Variants in SLC6A11 observed in about 807,000 individuals in gnomAD.
SLC6A11 encodes sodium- and chloride-dependent GABA transporter 3.
SLC6A11 carries 25 observed loss-of-function variants against 74.8 expected under a neutral mutation model. That is an observed-to-expected ratio of 0.33 (90% CI 0.24 to 0.47). The LOEUF (loss-of-function observed/expected upper bound fraction) is 0.47, where lower values mean the gene tolerates loss of function less well. Among genes scored for constraint, SLC6A11 ranks in the 20% least tolerant of loss-of-function variants. The pLI, the probability that SLC6A11 is intolerant of heterozygous loss-of-function variation, is 1.00. For missense variants in SLC6A11, 574 were observed against 837.0 expected, an observed-to-expected ratio of 0.69 and a Z score of 3.88; for synonymous variants, 330 against 330.2, an observed-to-expected ratio of 1.00 and a Z score of 0.01.
intron 5 of SLC6A11, 147 bp downstream of exon 5, chr3:10,844,493 C>A: frequency 2.3e-6 from 2 of 887,534 alleles, no homozygotes; most frequent in Non-Finnish European, 3.5e-6. Context: ...TGAGCTCTAC[C>A]CACCCTCACC....
intron 10 of SLC6A11, among the ~76,000 whole-genome samples, chr3:10,930,388 C>G (rs1695670202): frequency 1.3e-5 from 2 of 152,196 alleles, no homozygotes; most frequent in Non-Finnish European, 2.9e-5. Context: ...GCTTCATGCC[C>G]TCAGAGCCAA....
intron 5 of SLC6A11, among the ~76,000 whole-genome samples, chr3:10,860,613 G>T (rs1694691753): frequency 1.3e-5 from 2 of 152,332 alleles, no homozygotes; most frequent in African/African-American, 4.8e-5. Context: ...GATGTGTGCT[G>T]GGCTGGGCAT....
intron 4 of SLC6A11, chr3:10,825,544 C>T (rs977300529): frequency 2.0e-5 from 3 of 152,072 alleles, no homozygotes; most frequent in African/African-American, 2.4e-5. Context: ...CAGAAGTTTC[C>T]ATTTTATTGA....
At chr3:10,897,657 C>G (rs1485897353) in intron 6 of SLC6A11, among the ~76,000 whole-genome samples, 1 of 152,244 alleles carries the variant, frequency 6.6e-6, no homozygotes, top group Admixed American at 6.5e-5. Flanking sequence ...AGGGTACAGC[C>G]TCCCTCCTGG....
At chr3:10,851,415 A>AG (rs1479991008) in intron 5 of SLC6A11, among the ~76,000 whole-genome samples, 1 of 148,888 alleles carries the variant, frequency 6.7e-6, no homozygotes, top group African/African-American at 2.5e-5. Context: ...AAAAAAAAAA[A>AG]CCACACACAC....
intron 5 of SLC6A11, among the ~76,000 whole-genome samples, chr3:10,873,610 CCATG>C (rs2106603629): frequency 7.6e-6 from 1 of 131,942 alleles, no homozygotes; most frequent in East Asian, 2.6e-4. Context: ...CTATCCTATG[CCATG>C]CTATCCTATC....
chr3:10,858,646 C>T (rs990785641), intron 5 of SLC6A11, among the ~76,000 whole-genome samples: 2 of 152,214 alleles, frequency 1.3e-5, no homozygotes, highest in African/African-American at 4.8e-5. Flanking sequence ...TAGGTGGGCA[C>T]ACTGAGGCTT....
At chr3:10,869,029 C>A (rs1404597662) in intron 5 of SLC6A11, among the ~76,000 whole-genome samples, 2 of 152,200 alleles carry the variant, frequency 1.3e-5, no homozygotes, top group Non-Finnish European at 2.9e-5. Context: ...TGCATTGTAA[C>A]CTCAGAGTTC....
intron 4 of SLC6A11, among the ~76,000 whole-genome samples, chr3:10,826,524 A>G (rs1239830914): frequency 1.3e-5 from 2 of 152,230 alleles, no homozygotes; most frequent in South Asian, 2.1e-4. Context: ...CCTTTGTAAC[A>G]TATATGGAAA....
At chr3:10,861,085 A>G (rs1455478960) in intron 5 of SLC6A11, among the ~76,000 whole-genome samples, 1 of 152,214 alleles carries the variant, frequency 6.6e-6, no homozygotes, top group African/African-American at 2.4e-5. Flanking sequence ...GCAGTTTGGA[A>G]ATCTGTAGAG....
chr3:10,826,948 C>T (rs922514582), intron 4 of SLC6A11, among the ~76,000 whole-genome samples: 1 of 152,180 alleles, frequency 6.6e-6, no homozygotes, highest in Non-Finnish European at 1.5e-5. Flanking sequence ...GCAAATGAAC[C>T]CATGGTTCTA....
intron 6 of SLC6A11, among the ~76,000 whole-genome samples, chr3:10,909,757 C>T (rs1695362239): frequency 6.6e-6 from 1 of 152,210 alleles, no homozygotes; most frequent in South Asian, 2.1e-4. Flanking sequence ...ATGTGGCTCA[C>T]TGGCCTTACT....
intron 13 of SLC6A11, among the ~76,000 whole-genome samples, chr3:10,937,970 A>G (rs1020147090): frequency 6.6e-6 from 1 of 152,184 alleles, no homozygotes; most frequent in African/African-American, 2.4e-5. Context: ...TTTCCTAGCC[A>G]GGTGCGAGGC....
chr3:10,841,280 A>G (rs578111716), intron 4 of SLC6A11, among the ~76,000 whole-genome samples: 1 of 152,144 alleles, frequency 6.6e-6, no homozygotes, highest in African/African-American at 2.4e-5. Flanking sequence ...CTGTCCCAGC[A>G]TTTCATGGGG....
chr3:10,899,795 C>G (rs1238155071), intron 6 of SLC6A11, among the ~76,000 whole-genome samples: 1 of 152,188 alleles, frequency 6.6e-6, no homozygotes, highest in Non-Finnish European at 1.5e-5. Flanking sequence ...GAAGTTTGTC[C>G]TTAGTATGGA....
chr3:10,927,832 G>A (rs746233725), intron 9 of SLC6A11, among the ~76,000 whole-genome samples: 2 of 152,230 alleles, frequency 1.3e-5, no homozygotes, highest in African/African-American at 2.4e-5. Context: ...AGGCAGAGGT[G>A]AATCAGAAAG....
chr3:10,914,407 A>G (rs371775436), intron 7 of SLC6A11, among the ~76,000 whole-genome samples: 1 of 152,310 alleles, frequency 6.6e-6, no homozygotes, highest in Non-Finnish European at 1.5e-5. Flanking sequence ...AATCGGTGCC[A>G]TGGGAGCTGC....
At chr3:10,932,470 C>T (rs1881370) in intron 10 of SLC6A11, among the ~76,000 whole-genome samples, 130,978 of 152,090 alleles carry the variant, frequency 0.86, 56,705 homozygotes, top group Admixed American at 0.9. Flanking sequence ...TAATTGTGAG[C>T]CCACAAAACA....
chr3:10,936,375 T>G (rs1266357702), intron 13 of SLC6A11, among the ~76,000 whole-genome samples: 1 of 152,160 alleles, frequency 6.6e-6, no homozygotes, highest in East Asian at 1.9e-4. Context: ...CTGAACCAGT[T>G]GCACTCCACT....
Sources: allele counts gnomAD v4.1 joint callset (sites outside exome capture counted in the v4.1 genomes callset), GRCh38; gene constraint gnomAD v4.1.1; transcripts MANE v1.5; gene names NCBI Gene and HGNC (gene_info 2026-07-23, HGNC 2026-07-21).